The following RXFP1 variants were observed in gnomAD, a reference collection of about 807,000 sequenced individuals.
RXFP1 encodes relaxin receptor 1.
RXFP1 carries 73 observed loss-of-function variants against 89.8 expected under a neutral mutation model. The observed-to-expected ratio is 0.81, with a 90% CI of 0.67 to 0.99. RXFP1 has a LOEUF of 0.99. Among genes scored for constraint, RXFP1 ranks in the 50% least tolerant of loss-of-function variants. The pLI is 0.00. For synonymous variants in RXFP1, 277 were observed against 305.5 expected (o/e 0.91, Z 0.97); for missense variants, 793 against 895.5 (o/e 0.89, Z 1.46).
chr4:158,650,206 C>T (rs556258830), intron 17 of RXFP1, among the ~76,000 whole-genome samples: 3 of 151,922 alleles, frequency 2.0e-5, no homozygotes, highest in East Asian at 3.9e-4. Context: ...GAACATAGAA[C>T]GGTGTTTTCT....
At chr4:158,615,533 T>C (rs1246688418) in intron 8 of RXFP1, among the ~76,000 whole-genome samples, 1 of 148,972 alleles carries the variant, frequency 6.7e-6, no homozygotes, top group African/African-American at 2.5e-5. Context: ...TGAAACTTTG[T>C]CTCAAAAAAA....
intron 6 of RXFP1, among the ~76,000 whole-genome samples, chr4:158,610,878 C>T (rs1047772805): frequency 6.6e-6 from 1 of 152,146 alleles, no homozygotes; most frequent in African/African-American, 2.4e-5. Flanking sequence ...AAGTCAAACC[C>T]AGCAAGGGAG....
At chr4:158,646,769 T>C in intron 15 of RXFP1, 22 bp from the exon 16 acceptor site, 1 of 1,536,990 alleles carries the variant, frequency 6.5e-7, no homozygotes, top group Non-Finnish European at 8.8e-7. Context: ...TCTCTAAATT[T>C]GTGAAACTAT....
At chr4:158,593,113 A>AC (rs1759848335) in intron 2 of RXFP1, among the ~76,000 whole-genome samples, 1 of 150,528 alleles carries the variant, frequency 6.6e-6, no homozygotes, top group African/African-American at 2.5e-5. Context: ...AAACAAACAA[A>AC]AAAAACTGGA....
intron 2 of RXFP1, 135 bp downstream of exon 2, chr4:158,572,970 A>G: frequency 7.8e-7 from 1 of 1,286,862 alleles, no homozygotes; most frequent in Non-Finnish European, 1.0e-6. Context: ...GAAATCTTAC[A>G]CTTATTTCAG....
At chr4:158,533,859 C>G (rs1463643754) in intron 1 of RXFP1, among the ~76,000 whole-genome samples, 3 of 152,194 alleles carry the variant, frequency 2.0e-5, no homozygotes, top group African/African-American at 7.2e-5. Context: ...TTTCTATATG[C>G]TTTTTTTCCT....
chr4:158,542,109 A>ATATATATATATATATATTTTTT, intron 1 of RXFP1, among the ~76,000 whole-genome samples: 363 of 35,018 alleles, frequency 0.01, 19 homozygotes, highest in Non-Finnish European at 0.012. Flanking sequence ...ATATATATAT[A>ATATATATATATATATATTTTTT]TTTTTTTTTT....
chr4:158,522,055 A>G (rs1453460465), intron 1 of RXFP1, 30 bp downstream of exon 1: 9 of 1,345,212 alleles, frequency 6.7e-6, no homozygotes, highest in Non-Finnish European at 8.5e-6. Context: ...AATTTTGTAT[A>G]CCTTAGTATT....
intron 14 of RXFP1, among the ~76,000 whole-genome samples, chr4:158,642,967 A>C (rs1169585386): frequency 6.6e-6 from 1 of 152,322 alleles, no homozygotes; most frequent in Non-Finnish European, 1.5e-5. Context: ...TTTGATTTAC[A>C]TAGGGCCCAA....
At chr4:158,523,976 C>T (rs1301417317) in intron 1 of RXFP1, among the ~76,000 whole-genome samples, 1 of 152,192 alleles carries the variant, frequency 6.6e-6, no homozygotes, top group African/African-American at 2.4e-5. Flanking sequence ...GACACCTAAC[C>T]TAAGACGCTT....
At chr4:158,623,005 C>G (rs1434407114) in intron 9 of RXFP1, among the ~76,000 whole-genome samples, 1 of 152,000 alleles carries the variant, frequency 6.6e-6, no homozygotes, top group African/African-American at 2.4e-5. Context: ...TAATTGCAAA[C>G]AAAAGAAAGC....
At chr4:158,582,828 G>A (rs1435627794) in intron 2 of RXFP1, among the ~76,000 whole-genome samples, 2 of 152,192 alleles carry the variant, frequency 1.3e-5, no homozygotes, top group African/African-American at 4.8e-5. Flanking sequence ...AGGAGGGAAG[G>A]AAGAAAGACC....
intron 10 of RXFP1, among the ~76,000 whole-genome samples, chr4:158,627,280 T>G (rs1767043148): frequency 6.6e-6 from 1 of 152,108 alleles, no homozygotes; most frequent in African/African-American, 2.4e-5. Flanking sequence ...TAAAGGATGT[T>G]AGGTCTTCCT....
intron 12 of RXFP1, among the ~76,000 whole-genome samples, chr4:158,637,246 T>G (rs1277144663): frequency 6.6e-6 from 1 of 152,204 alleles, no homozygotes; most frequent in Non-Finnish European, 1.5e-5. Context: ...TTTATTTCCT[T>G]TGGATATATA....
intron 1 of RXFP1, among the ~76,000 whole-genome samples, chr4:158,541,801 C>G (rs1016006931): frequency 6.6e-5 from 10 of 152,000 alleles, no homozygotes; most frequent in African/African-American, 2.4e-4. Flanking sequence ...CATACAATTA[C>G]TAAATACAAT....
At chr4:158,548,179 G>T (rs893027834) in intron 1 of RXFP1, among the ~76,000 whole-genome samples, 3 of 152,204 alleles carry the variant, frequency 2.0e-5, no homozygotes, top group Non-Finnish European at 4.4e-5. Context: ...TCTTATTGTT[G>T]AATTGATCCC....
chr4:158,634,924 T>C (rs1357622396), intron 12 of RXFP1, among the ~76,000 whole-genome samples: 1 of 152,236 alleles, frequency 6.6e-6, no homozygotes, highest in Non-Finnish European at 1.5e-5. Flanking sequence ...CACTGATTGC[T>C]GTAGCTTTGT....
rs565197770 is a variant in RXFP1, at chr4:158,646,832, G to A, written c.1387G>A (p.Gly463Ser). The change falls in exon 16 of 18, where the codon GGC becomes AGC. Residue 463 changes from glycine (G) to serine (S), a missense_variant. Gly to Ser is a moderately conservative substitution (Grantham distance 56, BLOSUM62 0). Transcript: ENST00000307765. ...GGGAATATATTTATTCGTGATCGGA[G>A]GCTTTGACCTAAAGTTTCGTGGAGA... is the stretch of plus-strand genomic sequence containing the variant. The part of the protein sequence containing the change: ...LMGIYLFVIG[G>S]FDLKFRGEYN... The A allele has an allele frequency of 1.9e-5, 31 of 1,613,828 alleles. No individual in the cohort carries two copies. In the South Asian group the frequency reaches 3.1e-4, roughly 16 times the overall value.
chr4:158,599,302 C>T (rs914470361), intron 3 of RXFP1, 24 bp from the exon 4 acceptor site: 3 of 1,613,584 alleles, frequency 1.9e-6, no homozygotes, highest in African/African-American at 2.7e-5. Flanking sequence ...TGTCATCATG[C>T]CTTACCACTT....
Sources: gnomAD v4.1 joint callset for allele counts (sites outside exome capture counted in the v4.1 genomes callset) on GRCh38, gnomAD v4.1.1 for gene constraint, MANE v1.5 for transcripts, NCBI Gene and HGNC (gene_info 2026-07-23, HGNC 2026-07-21) for gene names.